ZNF385B: variants seen among roughly 807,000 people sequenced by gnomAD.
ZNF385B encodes the protein zinc finger protein 533.
In ZNF385B, 23 loss-of-function variants were observed where a neutral mutation model predicts 39.2. The ratio of observed to expected loss-of-function variants is 0.59; its 90% CI spans 0.42 to 0.83. ZNF385B has a LOEUF of 0.83. ZNF385B is among the 40% of genes least tolerant of loss of function. ZNF385B has a pLI of 0.00. For missense variants in ZNF385B, 552 were observed against 598.9 expected (o/e 0.92, Z 0.82); for synonymous variants, 205 against 222.6 (o/e 0.92, Z 0.70).
At chr2:179,501,095 G>T (rs1027922588) in intron 5 of ZNF385B, among the ~76,000 whole-genome samples, 3 of 152,076 alleles carry the variant, frequency 2.0e-5, no homozygotes, top group Admixed American at 1.3e-4. Flanking sequence ...GGCAATAAAT[G>T]CTGGTAAGGA....
At chr2:179,755,524 C>T (rs980232677) in intron 3 of ZNF385B, among the ~76,000 whole-genome samples, 1 of 152,132 alleles carries the variant, frequency 6.6e-6, no homozygotes, top group Non-Finnish European at 1.5e-5. Context: ...CTAATGTTGA[C>T]AGTGGGGTGT....
chr2:179,730,389 T>C (rs1333424736), intron 3 of ZNF385B, among the ~76,000 whole-genome samples: 1 of 152,190 alleles, frequency 6.6e-6, no homozygotes. Flanking sequence ...CTCACCATAA[T>C]AGGAACATTT....
intron 3 of ZNF385B, among the ~76,000 whole-genome samples, chr2:179,555,522 G>A (rs2105939799): frequency 6.7e-6 from 1 of 149,668 alleles, no homozygotes; most frequent in South Asian, 2.1e-4. Flanking sequence ...TGCAGTCAAT[G>A]CTATTAATTC....
intron 3 of ZNF385B, among the ~76,000 whole-genome samples, chr2:179,594,557 T>C (rs911441256): frequency 6.6e-6 from 1 of 152,208 alleles, no homozygotes; most frequent in Non-Finnish European, 1.5e-5. Flanking sequence ...AACATATGAC[T>C]TGAGCCAGCA....
At chr2:179,541,541 A>C (rs2059918991) in intron 4 of ZNF385B, among the ~76,000 whole-genome samples, 1 of 152,206 alleles carries the variant, frequency 6.6e-6, no homozygotes, top group African/African-American at 2.4e-5. Context: ...AATAATTATA[A>C]GATTAAAACT....
At chr2:179,815,854 C>A (rs1707032331) in intron 1 of ZNF385B, among the ~76,000 whole-genome samples, 1 of 152,136 alleles carries the variant, frequency 6.6e-6, no homozygotes, top group Non-Finnish European at 1.5e-5. Context: ...TTCTTAGATG[C>A]CTTTGCTGGT....
intron 3 of ZNF385B, among the ~76,000 whole-genome samples, chr2:179,622,159 C>A (rs184047976): frequency 6.6e-6 from 1 of 152,216 alleles, no homozygotes; most frequent in Non-Finnish European, 1.5e-5. Context: ...TGGCTCTGAG[C>A]CCTTATGCAA....
chr2:179,651,363 C>T (rs943805081), intron 3 of ZNF385B, among the ~76,000 whole-genome samples: 1 of 152,014 alleles, frequency 6.6e-6, no homozygotes, highest in Admixed American at 6.6e-5. Context: ...TCAACAAACA[C>T]TAAGAATGTC....
chr2:179,722,070 A>G (rs1202740314), intron 3 of ZNF385B, among the ~76,000 whole-genome samples: 4 of 152,144 alleles, frequency 2.6e-5, no homozygotes, highest in Non-Finnish European at 5.9e-5. Flanking sequence ...ACAATGATCA[A>G]TTAGTAAACA....
At chr2:179,596,942 C>A (rs1325296426) in intron 3 of ZNF385B, among the ~76,000 whole-genome samples, 1 of 152,200 alleles carries the variant, frequency 6.6e-6, no homozygotes, top group African/African-American at 2.4e-5. Context: ...TATCCTTGCT[C>A]ATCTTTCACA....
At chr2:179,628,415 AT>A (rs1394427831) in intron 3 of ZNF385B, among the ~76,000 whole-genome samples, 2 of 151,944 alleles carry the variant, frequency 1.3e-5, no homozygotes, top group Non-Finnish European at 2.9e-5. Flanking sequence ...TACATTTTGG[AT>A]TTTGCTGATT....
intron 4 of ZNF385B, among the ~76,000 whole-genome samples, chr2:179,542,976 AT>A (rs145932548): frequency 0.01 from 1,582 of 152,302 alleles, 29 homozygotes; most frequent in African/African-American, 0.036. Context: ...TGTTAAAAAA[AT>A]AAATAAATAA....
intron 3 of ZNF385B, among the ~76,000 whole-genome samples, chr2:179,727,084 T>C (rs1354569251): frequency 6.6e-6 from 1 of 152,024 alleles, no homozygotes; most frequent in Non-Finnish European, 1.5e-5. Context: ...ACTCAGACTA[T>C]AGCGATGAGT....
intron 5 of ZNF385B, among the ~76,000 whole-genome samples, chr2:179,488,896 C>G (rs980450968): frequency 6.6e-6 from 1 of 152,078 alleles, no homozygotes; most frequent in South Asian, 2.1e-4. Flanking sequence ...TATTTAGTAC[C>G]TGCCATGGGC....
intron 1 of ZNF385B, among the ~76,000 whole-genome samples, chr2:179,858,613 G>T (rs1684784661): frequency 6.6e-6 from 1 of 152,058 alleles, no homozygotes; most frequent in Admixed American, 6.5e-5. Context: ...ACCATATTGA[G>T]ACACAGTGGG....
chr2:179,700,057 A>AC (rs1699065277), intron 3 of ZNF385B, among the ~76,000 whole-genome samples: 1 of 44,350 alleles, frequency 2.3e-5, no homozygotes, highest in Admixed American at 2.4e-4. Context: ...ACAAACAGAA[A>AC]AACACACACA....
Position 179,442,432 on chromosome 2 carries a change from G to C in ZNF385B, c.*818C>G, listed in dbSNP as rs2049055049. On this transcript the variant is annotated 3_prime_UTR_variant, in exon 10 of 10. Transcript: ENST00000410066. ...TACGTTTGCTTAGCAACACAAACCA[G>C]TGAGGAAGCTACAAAATAAGTTAAA... 6.6e-6 allele frequency: 1 copy of C among 152,650 alleles called. No homozygotes were observed. The highest frequency in any genetic ancestry group is 1.5e-5 in the Non-Finnish European group (1 of 68,046). The allele number at this position is 152,650 out of a possible 1,614,324, so 9.5% of individuals were successfully genotyped here.
intron 3 of ZNF385B, among the ~76,000 whole-genome samples, chr2:179,622,427 T>C (rs554241945): frequency 6.6e-6 from 1 of 152,294 alleles, no homozygotes; most frequent in South Asian, 2.1e-4. Flanking sequence ...CTGTGGTATC[T>C]AATGACACTG....
At chr2:179,837,662 C>T (rs553930602) in intron 1 of ZNF385B, among the ~76,000 whole-genome samples, 4 of 152,258 alleles carry the variant, frequency 2.6e-5, no homozygotes, top group African/African-American at 4.8e-5. Context: ...TGAGGGTATT[C>T]GAGTTTACGC....
Sources: allele counts gnomAD v4.1 joint callset (sites outside exome capture counted in the v4.1 genomes callset), GRCh38; gene constraint gnomAD v4.1.1; transcripts MANE v1.5; gene names NCBI Gene and HGNC (gene_info 2026-07-23, HGNC 2026-07-21).